NDUFA9: variants seen among roughly 807,000 people sequenced by gnomAD.
NDUFA9 encodes NADH dehydrogenase [ubiquinone] 1 alpha subcomplex subunit 9, mitochondrial.
In NDUFA9, 23 loss-of-function variants were observed where a neutral mutation model predicts 45.9. That is an observed-to-expected ratio of 0.50 (90% CI 0.36 to 0.71). The LOEUF is 0.71. Among genes scored for constraint, NDUFA9 ranks in the 30% least tolerant of loss-of-function variants. The pLI, the probability that NDUFA9 is intolerant of heterozygous loss-of-function variation, is 0.00. For synonymous variants in NDUFA9, 176 were observed against 170.5 expected, an observed-to-expected ratio of 1.03 and a Z score of -0.25; for missense variants, 466 against 488.2, an observed-to-expected ratio of 0.95 and a Z score of 0.43.
At chr12:4,668,354 A>G in intron 6 of NDUFA9, 103 bp from the exon 7 acceptor site, 1 of 948,542 alleles carries the variant, frequency 1.1e-6, no homozygotes, top group Non-Finnish European at 1.7e-6. Context: ...TACATTCATT[A>G]TATTATTTCT....
chr12:4,677,120 C>T lies in NDUFA9; in HGVS notation c.801-5085C>T, dbSNP rs1362292946. ...CATATGCAGAAAGCTGAAACTGGAT[C>T]CTTTCCTTACACCTGATACAAAAAT... is the stretch of plus-strand genomic sequence containing the variant. On this transcript the variant is annotated intron_variant, in intron 8 of 10. Transcript: ENST00000266544. Among the ~76,000 whole-genome samples, 3 of 152,290 alleles carry T rather than the reference C, an allele frequency of 2.0e-5. No individual in the cohort carries two copies. In the East Asian group the frequency reaches 5.8e-4, roughly 29 times the overall value.
rs1223744618 is a variant in NDUFA9, at chr12:4,688,324, A to C, written c.*1216A>C. ...TGGCAAGACCTTGTCTCTACAGAAAAATTTCAAAAAGTTAGTAGGGCATGG... is the reference window on the plus strand; with the variant it reads ...TGGCAAGACCTTGTCTCTACAGAAACATTTCAAAAAGTTAGTAGGGCATGG... On this transcript the variant is annotated 3_prime_UTR_variant, in exon 11 of 11. Transcript: ENST00000266544. The C allele has an allele frequency of 6.6e-6, 1 of 152,072 alleles. No individual in the cohort carries two copies. The highest frequency in any genetic ancestry group is 6.6e-5 in the Admixed American group (1 of 15,264). 9.4% of individuals were successfully genotyped at this position (152,072 alleles called of 1,614,324 possible). A position where few individuals can be genotyped will look rare whatever the true frequency, so the allele number is the denominator to read the frequency against.
intron 3 of NDUFA9, 69 bp downstream of exon 3, chr12:4,654,991 G>T (rs1369536190): frequency 2.3e-6 from 3 of 1,283,512 alleles, no homozygotes; most frequent in Non-Finnish European, 3.3e-6. Flanking sequence ...GGAGTGATAG[G>T]CAGTATAATA....
chr12:4,649,222 G>A, intron 1 of NDUFA9, 47 bp downstream of exon 1: 1 of 1,573,474 alleles, frequency 6.4e-7, no homozygotes, highest in Non-Finnish European at 8.6e-7. Flanking sequence ...TTCCGAGACG[G>A]GGATTTAAGG....
At position 4,687,888 on chromosome 12, in the gene NDUFA9, C is replaced by T. The variant is rs972633187; in HGVS notation, c.*780C>T. 3 of 152,218 alleles carry T rather than the reference C, an allele frequency of 2.0e-5. No homozygotes were observed. The highest frequency in any genetic ancestry group is 2.9e-5 in the Non-Finnish European group (2 of 68,044). The allele number at this position is 152,218 out of a possible 1,614,324, so 9.4% of individuals were successfully genotyped here. A position where few individuals can be genotyped will look rare whatever the true frequency, so the allele number is the denominator to read the frequency against. ...AGTACAGTGTGATTTAAAACTCCCA[C>T]AATTTGTGGTGAAGCCAACATACCA... On this transcript the variant is annotated 3_prime_UTR_variant, in exon 11 of 11. Coordinates refer to ENST00000266544, the MANE Select transcript of NDUFA9 (RefSeq NM_005002.5).
Position 4,654,880 on chromosome 12 carries a change from G to A in NDUFA9, c.276G>A (p.Met92Ile), listed in dbSNP as rs1412840206. The A allele has an allele frequency of 6.2e-7, 1 of 1,613,966 alleles. No individual in the cohort carries two copies. The highest frequency in any genetic ancestry group is 8.5e-7 in the Non-Finnish European group (1 of 1,179,942). Reference sequence around the variant, plus strand: ...ATCGGTGTGATAAATATGACATCATGCACCTTCGTCCCATGGGTGACCTGG... The same window carrying A: ...ATCGGTGTGATAAATATGACATCATACACCTTCGTCCCATGGGTGACCTGG... Reference protein sequence around the residue: ...IPYRCDKYDIMHLRPMGDLGQ... With the variant: ...IPYRCDKYDIIHLRPMGDLGQ... Residue 92 changes from methionine to isoleucine, a missense_variant, in exon 3 of 11, where the codon ATG becomes ATA. Met to Ile is a conservative substitution (Grantham distance 10). Transcript: ENST00000266544.
At chr12:4,685,158 C>T (rs1048504739) in intron 9 of NDUFA9, 101 bp from the exon 10 acceptor site, 8 of 1,014,782 alleles carry the variant, frequency 7.9e-6, no homozygotes, top group Non-Finnish European at 1.2e-5. Context: ...TCAGTTCAGA[C>T]TGCTCTACAG....
At chr12:4,657,551 T>A (rs1945797481) in intron 3 of NDUFA9, 197 bp from the exon 4 acceptor site, 2 of 551,984 alleles carry the variant, frequency 3.6e-6, no homozygotes, top group Non-Finnish European at 6.5e-6. Flanking sequence ...TACCTGTTTG[T>A]CTCGGAAAGA....
chr12:4,676,642 G>A (rs1945921745), intron 8 of NDUFA9, among the ~76,000 whole-genome samples: 1 of 152,006 alleles, frequency 6.6e-6, no homozygotes, highest in Non-Finnish European at 1.5e-5. Context: ...AAGTAAATAA[G>A]AGAGGACACA....
chr12:4,669,060 G>C (rs1945870485), intron 7 of NDUFA9, among the ~76,000 whole-genome samples: 1 of 152,198 alleles, frequency 6.6e-6, no homozygotes, highest in Admixed American at 6.5e-5. Context: ...GAAAGAGCAT[G>C]TTGGATTCCA....
chr12:4,653,204 A>T (rs1945769608), intron 1 of NDUFA9, among the ~76,000 whole-genome samples: 1 of 152,264 alleles, frequency 6.6e-6, no homozygotes, highest in Non-Finnish European at 1.5e-5. Flanking sequence ...CCATATGAAG[A>T]ATATTTGACA....
chr12:4,670,634 T>C (rs915624149), intron 8 of NDUFA9, among the ~76,000 whole-genome samples: 7 of 152,260 alleles, frequency 4.6e-5, no homozygotes, highest in African/African-American at 1.7e-4. Context: ...TACATTGTTA[T>C]GTTCCACTAT....
chr12:4,683,180 CAAA>C (rs60769758), intron 9 of NDUFA9, among the ~76,000 whole-genome samples: 2 of 138,802 alleles, frequency 1.4e-5, no homozygotes, highest in Admixed American at 7.1e-5. Context: ...GTCTCTGGAA[CAAA>C]AAAAAAAAAA....
chr12:4,679,936 T>C (rs1445876618), intron 8 of NDUFA9, among the ~76,000 whole-genome samples: 1 of 151,912 alleles, frequency 6.6e-6, no homozygotes, highest in Non-Finnish European at 1.5e-5. Context: ...TTGAGAGGAG[T>C]TGGATACAGA....
chr12:4,671,897 A>C (rs1294094957), intron 8 of NDUFA9, among the ~76,000 whole-genome samples: 6 of 152,228 alleles, frequency 3.9e-5, no homozygotes, highest in Admixed American at 3.9e-4. Context: ...ACATGAAAAA[A>C]TTAAAATAAT....
chr12:4,675,013 C>T (rs190123830), intron 8 of NDUFA9, among the ~76,000 whole-genome samples: 34 of 152,308 alleles, frequency 2.2e-4, no homozygotes, highest in Non-Finnish European at 3.5e-4. Flanking sequence ...TTAAGAAACT[C>T]ACTCAAAACT....
rs1478822195 is a variant in NDUFA9 at position 4,686,871 on chromosome 12, C to T, written c.964-67C>T. On this transcript the variant is annotated intron_variant, in intron 10 of 10. Transcript: ENST00000266544. ...CATGCCAGCTTGAATGTTTAAGTGC[C>T]TGCTAGGATAGCACTTTGTTCTCAG... The T allele has an allele frequency of 6.6e-5, 97 of 1,466,466 alleles. No individual in the cohort carries two copies. The Admixed American group carries it at 1.7e-3, about 26-fold the overall frequency. The allele number at this position is 1,466,466 out of a possible 1,614,324, so 90.8% of individuals were successfully genotyped here.
chr12:4,656,388 A>G (rs1945791082), intron 3 of NDUFA9, among the ~76,000 whole-genome samples: 1 of 152,212 alleles, frequency 6.6e-6, no homozygotes, highest in South Asian at 2.1e-4. Context: ...AAACTTTTGA[A>G]CCATTGGAAT....
chr12:4,677,198 T>G (rs1016914298), intron 8 of NDUFA9, among the ~76,000 whole-genome samples: 4 of 152,050 alleles, frequency 2.6e-5, no homozygotes, highest in Non-Finnish European at 4.4e-5. Flanking sequence ...CATAAAAACC[T>G]TAGAAGAAAA....
Sources: allele counts gnomAD v4.1 joint callset (sites outside exome capture counted in the v4.1 genomes callset), GRCh38; gene constraint gnomAD v4.1.1; transcripts MANE v1.5; gene names NCBI Gene and HGNC (gene_info 2026-07-23, HGNC 2026-07-21).